Variants in TENM2 observed in about 807,000 individuals in gnomAD.
The protein encoded by TENM2 is teneurin-2.
Under a neutral mutation model 245.2 loss-of-function variants are expected in TENM2, and 52 were observed. The observed-to-expected ratio is 0.21, with a 90% confidence interval of 0.17 to 0.27. The LOEUF (loss-of-function observed/expected upper bound fraction) is 0.27, where lower values mean the gene tolerates loss of function less well. Ranked by LOEUF, TENM2 falls within the 10% of genes least tolerant of loss-of-function variation. The probability of loss-of-function intolerance (pLI) is 1.00; values close to 1 mark genes in which losing one functional copy is unlikely to be tolerated. For synonymous variants in TENM2, 1,363 were observed against 1,438.9 expected, an observed-to-expected ratio of 0.95 and a Z score of 1.19; for missense variants, 3,046 against 3,666.8, an observed-to-expected ratio of 0.83 and a Z score of 4.37.
intron 25 of TENM2, among the ~76,000 whole-genome samples, chr5:168,228,690 G>C (rs931411314): frequency 1.3e-5 from 1 of 79,400 alleles, no homozygotes; most frequent in African/African-American, 1.8e-4. Flanking sequence ...AGGGTCTGAT[G>C]GGATCCCAGA....
chr5:167,698,158 G>A (rs1396975647), intron 2 of TENM2, among the ~76,000 whole-genome samples: 1 of 152,128 alleles, frequency 6.6e-6, no homozygotes, highest in Non-Finnish European at 1.5e-5. Context: ...TCTATGTGCA[G>A]TAACTTGAGC....
intron 7 of TENM2, among the ~76,000 whole-genome samples, chr5:168,084,175 G>A (rs1204587595): frequency 1.3e-5 from 2 of 152,134 alleles, no homozygotes; most frequent in Non-Finnish European, 1.5e-5. Flanking sequence ...AGGCACCTAG[G>A]TTGATCCCAT....
At chr5:167,000,451 G>A in the TENM2 span, among the ~76,000 whole-genome samples, 1 of 152,134 alleles carries the variant, frequency 6.6e-6, no homozygotes, top group Non-Finnish European at 1.5e-5. Context: ...TCTACATCCA[G>A]GGCTTTATAA....
chr5:167,293,513 C>T (rs1210946199), intron 1 of TENM2, among the ~76,000 whole-genome samples: 1 of 152,010 alleles, frequency 6.6e-6, no homozygotes, highest in African/African-American at 2.4e-5. Context: ...AGCCACCGCA[C>T]CTGGCCCCTG....
At chr5:167,609,995 G>T (rs1177058925) in intron 2 of TENM2, among the ~76,000 whole-genome samples, 4 of 152,030 alleles carry the variant, frequency 2.6e-5, no homozygotes, top group Admixed American at 2.6e-4. Flanking sequence ...CAAGCCCCAG[G>T]TTGTGACGTA....
intron 3 of TENM2, among the ~76,000 whole-genome samples, chr5:167,911,454 G>T (rs1017239627): frequency 2.0e-5 from 3 of 152,214 alleles, no homozygotes; most frequent in African/African-American, 7.2e-5. Flanking sequence ...GTGAACCTGG[G>T]AGGCGGAGCT....
At chr5:167,321,229 T>G (rs1638459141) in intron 1 of TENM2, among the ~76,000 whole-genome samples, 1 of 151,780 alleles carries the variant, frequency 6.6e-6, no homozygotes, top group Admixed American at 6.6e-5. Context: ...AATCCAAGAG[T>G]AAGATGCAAA....
chr5:168,140,308 C>T (rs4976537), intron 12 of TENM2, among the ~76,000 whole-genome samples: 36,539 of 152,156 alleles, frequency 0.24, 4,966 homozygotes, highest in Admixed American at 0.34. Flanking sequence ...GTATTTTACA[C>T]AAAGCAGCTA....
At chr5:168,062,809 G>T (rs1790159117) in intron 7 of TENM2, among the ~76,000 whole-genome samples, 1 of 152,168 alleles carries the variant, frequency 6.6e-6, no homozygotes, top group Non-Finnish European at 1.5e-5. Context: ...TATGTGTTTT[G>T]TCCAGAATAA....
At chr5:167,474,388 T>A (rs897818046) in intron 2 of TENM2, among the ~76,000 whole-genome samples, 1 of 152,218 alleles carries the variant, frequency 6.6e-6, no homozygotes, top group African/African-American at 2.4e-5. Context: ...GTTCATGAAT[T>A]CATGTATGGT....
intron 3 of TENM2, 155 bp from the exon 6 acceptor site, chr5:167,952,433 G>T: frequency 1.6e-6 from 1 of 625,732 alleles, no homozygotes; most frequent in Middle Eastern, 3.2e-4. Context: ...ACTGACTCTG[G>T]GATGCCTGCC....
intron 14 of TENM2, among the ~76,000 whole-genome samples, chr5:168,191,371 A>G (rs770037083): frequency 2.8e-4 from 43 of 152,110 alleles, no homozygotes; most frequent in Non-Finnish European, 5.4e-4. Context: ...GAGGGGTAGG[A>G]GAGGCTGGGG....
At chr5:167,934,799 C>T (rs1778567361) in intron 3 of TENM2, 1 of 948,258 alleles carries the variant, frequency 1.1e-6, no homozygotes, top group Non-Finnish European at 1.3e-6. Flanking sequence ...CCTTCCAGGG[C>T]CTGGCATGTG....
In TENM2 at chr5:167,816,416, T is replaced by C. The variant is rs547798233; in HGVS notation, c.503-59570T>C. Among the ~76,000 whole-genome samples the C allele has an allele frequency of 2.6e-5, 4 of 152,338 alleles. No homozygotes were observed. In the East Asian group the frequency reaches 7.7e-4, roughly 29 times the overall value. On this transcript the variant is annotated intron_variant, in intron 2 of 28. Coordinates refer to ENST00000518659, the Ensembl canonical transcript of TENM2. ...GATGACTGCTTTCTCTTGCTTCATT[T>C]ACAAAAGTTATTCAGATGAGGATTA...
chr5:168,001,128 CCTTGAT>C (rs1784391286), intron 5 of TENM2, among the ~76,000 whole-genome samples: 1 of 152,156 alleles, frequency 6.6e-6, no homozygotes, highest in Non-Finnish European at 1.5e-5. Flanking sequence ...TACCCAGAAT[CCTTGAT>C]CCCTAGCTTC....
intron 2 of TENM2, among the ~76,000 whole-genome samples, chr5:167,444,281 A>G (rs942919789): frequency 1.0e-4 from 11 of 105,060 alleles, no homozygotes; most frequent in African/African-American, 3.1e-4. Context: ...GCTTATGCAC[A>G]CATGCACACA....
chr5:168,126,179 C>A (rs2152356798), intron 11 of TENM2, among the ~76,000 whole-genome samples: 1 of 152,268 alleles, frequency 6.6e-6, no homozygotes, highest in Non-Finnish European at 1.5e-5. Flanking sequence ...GCCAAGGTAC[C>A]AATCTGGGTA....
chr5:167,273,286 A>G, the TENM2 span, among the ~76,000 whole-genome samples: 1 of 152,162 alleles, frequency 6.6e-6, no homozygotes, highest in Non-Finnish European at 1.5e-5. Context: ...GCATAGCAGT[A>G]ACGAGCTGGC....
At chr5:167,262,075 A>G in the TENM2 span, among the ~76,000 whole-genome samples, 2 of 152,230 alleles carry the variant, frequency 1.3e-5, no homozygotes, top group Non-Finnish European at 2.9e-5. Flanking sequence ...ATTTATTTCA[A>G]TTTTAAAATT....
Sources: gnomAD v4.1 joint callset for allele counts (sites outside exome capture counted in the v4.1 genomes callset) on GRCh38, gnomAD v4.1.1 for gene constraint, MANE v1.5 for transcripts, NCBI Gene and HGNC (gene_info 2026-07-23, HGNC 2026-07-21) for gene names.